The following LRFN5 variants were observed in gnomAD, a reference collection of about 807,000 sequenced individuals.
LRFN5 encodes the protein leucine-rich repeat and fibronectin type-III domain-containing protein 5.
Under a neutral mutation model 45.6 loss-of-function variants are expected in LRFN5, and 24 were observed. The observed-to-expected ratio is 0.53, with a 90% CI of 0.38 to 0.74. LRFN5 has a LOEUF of 0.74. LRFN5 is among the 30% of genes least tolerant of loss of function. The pLI, the probability that LRFN5 is intolerant of heterozygous loss-of-function variation, is 0.00. For synonymous variants in LRFN5, 340 were observed against 313.8 expected (o/e 1.08, Z -0.88); for missense variants, 776 against 861.5 (o/e 0.90, Z 1.24).
Position 41,673,406 on chromosome 14 carries a change from C to T in LRFN5, c.-197+64844C>T, listed in dbSNP as rs1417998037. On this transcript the variant is annotated intron_variant, in intron 1 of 5. Coordinates refer to ENST00000298119, the MANE Select transcript of LRFN5 (RefSeq NM_152447.5). ...CCGGGCAGGGGGCTGACCCGCCCCC[C>T]ACCTCACTGCCGGACCGGGCGGCTG... Among the ~76,000 whole-genome samples the T allele has an allele frequency of 2.8e-5, 4 of 145,268 alleles. 1 individual carries two copies. The highest frequency in any genetic ancestry group is 1.5e-5 in the Non-Finnish European group (1 of 66,844).
At chr14:41,682,339 A>T (rs1212536187) in intron 1 of LRFN5, among the ~76,000 whole-genome samples, 1 of 151,974 alleles carries the variant, frequency 6.6e-6, no homozygotes, top group African/African-American at 2.4e-5. Context: ...AAAACATTAA[A>T]AAGTGGGAGG....
At chr14:41,836,065 C>G (rs893868113) in intron 2 of LRFN5, among the ~76,000 whole-genome samples, 2 of 151,944 alleles carry the variant, frequency 1.3e-5, no homozygotes, top group African/African-American at 4.8e-5. Context: ...GATCTTCCAC[C>G]TTTAAAAGAA....
At position 41,695,672 on chromosome 14, in the gene LRFN5, A is replaced by G. The variant is rs567365622; in HGVS notation, c.-196-71182A>G. ...GCCTGGATTATATCACATTTGTTTAAGCATGGTTTACTGAATATTTTAAGC... is the reference window on the plus strand; with the variant it reads ...GCCTGGATTATATCACATTTGTTTAGGCATGGTTTACTGAATATTTTAAGC... On this transcript the variant is annotated intron_variant, in intron 1 of 5. Transcript: ENST00000298119. Among the ~76,000 whole-genome samples, 72 of 152,082 alleles carry G rather than the reference A, an allele frequency of 4.7e-4. No individual in the cohort carries two copies. The South Asian group carries it at 0.014, about 30-fold the overall frequency.
At chr14:41,848,596 G>C (rs1411833410) in intron 2 of LRFN5, among the ~76,000 whole-genome samples, 2 of 151,962 alleles carry the variant, frequency 1.3e-5, no homozygotes, top group Non-Finnish European at 2.9e-5. Flanking sequence ...ACCTCCAACT[G>C]TTGGTCATGG....
chr14:41,857,322 A>G (rs760575903), intron 2 of LRFN5, among the ~76,000 whole-genome samples: 1 of 152,116 alleles, frequency 6.6e-6, no homozygotes, highest in Non-Finnish European at 1.5e-5. Flanking sequence ...TCACAATTTT[A>G]ACTTATTTAA....
intron 1 of LRFN5, among the ~76,000 whole-genome samples, chr14:41,691,534 A>T (rs1882377661): frequency 6.6e-6 from 1 of 152,098 alleles, no homozygotes; most frequent in Admixed American, 6.5e-5. Flanking sequence ...AAGAATGTTT[A>T]TGTTATTGGT....
intron 1 of LRFN5, among the ~76,000 whole-genome samples, chr14:41,635,188 G>T (rs927672952): frequency 3.3e-5 from 5 of 152,014 alleles, no homozygotes; most frequent in African/African-American, 1.2e-4. Context: ...TGTCCAATAC[G>T]TTGTATTTTG....
intron 1 of LRFN5, among the ~76,000 whole-genome samples, chr14:41,758,801 C>G (rs1443242121): frequency 6.6e-5 from 10 of 152,060 alleles, no homozygotes; most frequent in African/African-American, 2.4e-4. Context: ...TTCCAATGAC[C>G]TCTCTATCGA....
intron 1 of LRFN5, among the ~76,000 whole-genome samples, chr14:41,627,228 T>A (rs576100331): frequency 1.3e-5 from 2 of 152,106 alleles, no homozygotes; most frequent in African/African-American, 4.8e-5. Flanking sequence ...CTGTGCAGCT[T>A]ATCACCAGCA....
intron 1 of LRFN5, among the ~76,000 whole-genome samples, chr14:41,706,636 AG>A (rs1883079638): frequency 6.6e-6 from 1 of 152,054 alleles, no homozygotes; most frequent in African/African-American, 2.4e-5. Flanking sequence ...AATTTATACC[AG>A]TCTATGTGAT....
At chr14:41,795,386 A>G (rs995664722) in intron 2 of LRFN5, among the ~76,000 whole-genome samples, 3 of 152,128 alleles carry the variant, frequency 2.0e-5, no homozygotes, top group Admixed American at 2.0e-4. Context: ...TCAGGGATCT[A>G]GAACTAGAAA....
At chr14:41,798,805 A>G (rs1887223500) in intron 2 of LRFN5, among the ~76,000 whole-genome samples, 1 of 151,844 alleles carries the variant, frequency 6.6e-6, no homozygotes. Flanking sequence ...ACTCAGTTTC[A>G]CTTTTCACGT....
At chr14:41,757,366 A>G (rs537868987) in intron 1 of LRFN5, among the ~76,000 whole-genome samples, 35 of 152,130 alleles carry the variant, frequency 2.3e-4, no homozygotes, top group Non-Finnish European at 2.4e-4. Flanking sequence ...TGAAGTCTAC[A>G]GAGGCAGGCA....
intron 2 of LRFN5, among the ~76,000 whole-genome samples, chr14:41,831,649 A>G (rs1888486427): frequency 6.6e-6 from 1 of 152,184 alleles, no homozygotes; most frequent in Non-Finnish European, 1.5e-5. Flanking sequence ...ACATAAACAA[A>G]TATTAATATA....
intron 2 of LRFN5, among the ~76,000 whole-genome samples, chr14:41,787,262 TTCTC>T (rs1886756379): frequency 6.6e-6 from 1 of 152,162 alleles, no homozygotes; most frequent in Admixed American, 6.6e-5. Flanking sequence ...CTTGGGAGCT[TTCTC>T]TATGCATCTT....
At chr14:41,767,956 G>A (rs1469556651) in intron 2 of LRFN5, among the ~76,000 whole-genome samples, 1 of 151,686 alleles carries the variant, frequency 6.6e-6, no homozygotes, top group Non-Finnish European at 1.5e-5. Flanking sequence ...AGCATTTCTT[G>A]TTGCTCTTGG....
At chr14:41,766,361 T>C (rs1885883625) in intron 1 of LRFN5, among the ~76,000 whole-genome samples, 1 of 152,168 alleles carries the variant, frequency 6.6e-6, no homozygotes, top group Non-Finnish European at 1.5e-5. Context: ...CATAGACATA[T>C]AGGTTGCAAT....
intron 2 of LRFN5, among the ~76,000 whole-genome samples, chr14:41,886,040 A>AG (rs1890560295): frequency 6.6e-6 from 1 of 151,338 alleles, no homozygotes; most frequent in East Asian, 1.9e-4. Context: ...AAAAAAAAAA[A>AG]TAGTGAAGGT....
intron 1 of LRFN5, among the ~76,000 whole-genome samples, chr14:41,613,169 G>T (rs1887814171): frequency 6.6e-6 from 1 of 152,068 alleles, no homozygotes; most frequent in South Asian, 2.1e-4. Flanking sequence ...CTCAGAAATT[G>T]GTTTTCATAG....
Sources: allele counts gnomAD v4.1 joint callset (sites outside exome capture counted in the v4.1 genomes callset), GRCh38; gene constraint gnomAD v4.1.1; transcripts MANE v1.5; gene names NCBI Gene and HGNC (gene_info 2026-07-23, HGNC 2026-07-21).